Variants in EIF4E1B observed in about 807,000 individuals in gnomAD.
The protein encoded by EIF4E1B is eukaryotic translation initiation factor 4E type 1B.
In EIF4E1B, 22 loss-of-function variants were observed where a neutral mutation model predicts 31.3. The observed-to-expected ratio is 0.70, with a 90% CI of 0.50 to 1.00. The LOEUF (loss-of-function observed/expected upper bound fraction) is 1.00, where lower values mean the gene tolerates loss of function less well. Ranked by LOEUF, EIF4E1B falls within the 50% of genes least tolerant of loss-of-function variation. EIF4E1B has a pLI of 0.00. For synonymous variants in EIF4E1B, 126 were observed against 120.2 expected (o/e 1.05, Z -0.31); for missense variants, 290 against 311.6 (o/e 0.93, Z 0.52).
chr5:176,632,255 TTTTC>T (rs1301193568), intron 1 of EIF4E1B, among the ~76,000 whole-genome samples: 54 of 152,296 alleles, frequency 3.5e-4, no homozygotes, highest in African/African-American at 1.1e-3. Flanking sequence ...TACAATTCTT[TTTTC>T]TTTCTTGTTT....
chr5:176,639,403 A>C (rs1760541234), intron 1 of EIF4E1B, among the ~76,000 whole-genome samples: 2 of 152,208 alleles, frequency 1.3e-5, no homozygotes. Flanking sequence ...GCGAGGGGCC[A>C]GGATGCCTGT....
intron 1 of EIF4E1B, among the ~76,000 whole-genome samples, chr5:176,631,741 A>G (rs908894065): frequency 2.0e-5 from 3 of 152,150 alleles, no homozygotes; most frequent in Non-Finnish European, 4.4e-5. Flanking sequence ...GACATTTTGG[A>G]AGGCAATCTG....
In EIF4E1B at chr5:176,646,285, T is replaced by G; in HGVS notation, c.*305T>G. 1 of 307,992 alleles carries G rather than the reference T, an allele frequency of 3.2e-6. No homozygotes were observed. The highest frequency in any genetic ancestry group is 6.2e-6 in the Non-Finnish European group (1 of 160,430). 19.1% of individuals were successfully genotyped at this position (307,992 alleles called of 1,614,324 possible). ...GCTCTATGGTAGGCGGAGAAACCCA[T>G]AGTCCAGCGTTTACTGTTTCCACCC... On this transcript the variant is annotated 3_prime_UTR_variant, in exon 9 of 9. Transcript: ENST00000318682.
At chr5:176,639,658 C>G (rs1316951927) in intron 1 of EIF4E1B, among the ~76,000 whole-genome samples, 1 of 152,116 alleles carries the variant, frequency 6.6e-6, no homozygotes, top group African/African-American at 2.4e-5. Context: ...GGCTCACACT[C>G]GTAATCCCAA....
chr5:176,638,256 C>T lies in EIF4E1B; in HGVS notation c.-201-3787C>T, dbSNP rs1760526626. ...GTCACTCTCTAAATGACATTTAATG[C>T]CCATTACTGGATAAGGGCATGAAAC... On this transcript the variant is annotated intron_variant, in intron 1 of 8. Coordinates refer to ENST00000318682, the MANE Select transcript of EIF4E1B (RefSeq NM_001099408.2). This position sits in a 1 kb window ranked among gnomAD's most constrained non-coding sequence, Gnocchi z 4.3. Among the ~76,000 whole-genome samples the T allele has an allele frequency of 6.6e-6, 1 of 152,120 alleles. No homozygotes were observed. The highest frequency in any genetic ancestry group is 1.5e-5 in the Non-Finnish European group (1 of 68,032).
chr5:176,642,533 T>C (rs1052282730), intron 2 of EIF4E1B, among the ~76,000 whole-genome samples, 177 bp from the exon 3 acceptor site: 5 of 152,212 alleles, frequency 3.3e-5, no homozygotes, highest in Non-Finnish European at 1.5e-5. Flanking sequence ...AGAGACCAGA[T>C]GAATACCTGC....
rs759107886 is a variant in EIF4E1B, at chr5:176,645,502, C to CGT, written c.602_603dup (p.Leu202CysfsTer35). 2 of 1,513,772 alleles carry CGT rather than the reference C, an allele frequency of 1.3e-6. No homozygotes were observed. Among genetic ancestry groups the CGT allele is most frequent in the Admixed American group, 2.3e-5 (1 of 42,836 alleles). 93.8% of individuals were successfully genotyped at this position (1,513,772 alleles called of 1,614,324 possible). ...CGAGGGAGGCGGAAAACCAGGCGGG[C>CGT]GTGCTGCACGTTGGGTGAGGAGGGT... On this transcript the variant is annotated frameshift_variant, in exon 8 of 9. Coordinates refer to ENST00000318682, the MANE Select transcript of EIF4E1B (RefSeq NM_001099408.2). LOFTEE classifies it high-confidence loss of function. The surrounding 1 kb of genome is among the most constrained non-coding windows in gnomAD (Gnocchi z 5.4).
chr5:176,640,791 G>T (rs549133345), intron 1 of EIF4E1B, among the ~76,000 whole-genome samples: 1 of 152,072 alleles, frequency 6.6e-6, no homozygotes, highest in African/African-American at 2.4e-5. Context: ...TTTTAGCTTC[G>T]CCCACACTGG....
intron 1 of EIF4E1B, among the ~76,000 whole-genome samples, chr5:176,633,209 T>G (rs1760436151): frequency 7.1e-6 from 1 of 141,832 alleles, no homozygotes. Context: ...CTGTCCAGTG[T>G]TTTTTTTGTT....
At chr5:176,635,895 C>T (rs1195250428) in intron 1 of EIF4E1B, among the ~76,000 whole-genome samples, 1 of 152,160 alleles carries the variant, frequency 6.6e-6, no homozygotes. Flanking sequence ...CGGCTCACTG[C>T]AACCTCTGCC....
chr5:176,632,567 AT>A (rs1245949305), intron 1 of EIF4E1B, among the ~76,000 whole-genome samples: 4 of 152,176 alleles, frequency 2.6e-5, no homozygotes, highest in Admixed American at 6.5e-5. Context: ...CACCTCTGTA[AT>A]AATTTCTGAG....
rs145078207 is a variant in EIF4E1B at position 176,646,391 on chromosome 5, C to T, written c.*411C>T. 41 of 183,694 alleles carry T rather than the reference C, an allele frequency of 2.2e-4. No individual in the cohort carries two copies. The highest frequency in any genetic ancestry group is 6.9e-4 in the African/African-American group (30 of 43,296). The allele number at this position is 183,694 out of a possible 1,614,324, so 11.4% of individuals were successfully genotyped here. On this transcript the variant is annotated 3_prime_UTR_variant, in exon 9 of 9. Transcript: ENST00000318682. ...GGGCACAGACATTCTGGAGGGTGAA[C>T]GCCATCATTTGTACAGAGGGATACG...
chr5:176,634,889 C>T (rs1432222278), intron 1 of EIF4E1B, among the ~76,000 whole-genome samples: 11 of 151,920 alleles, frequency 7.2e-5, no homozygotes, highest in Non-Finnish European at 1.0e-4. Flanking sequence ...AGGCTGGTCT[C>T]GATCTCCTGA....
At chr5:176,642,469 G>C (rs1428844326) in intron 2 of EIF4E1B, among the ~76,000 whole-genome samples, 1 of 152,198 alleles carries the variant, frequency 6.6e-6, no homozygotes, top group Non-Finnish European at 1.5e-5. Context: ...TTCATCTCTA[G>C]TCAAAAGAAT....
Position 176,644,383 on chromosome 5 carries a change from AG to A in EIF4E1B, c.305del (p.Ser102IlefsTer61). On this transcript the variant is annotated frameshift_variant, in exon 6 of 9. Coordinates refer to ENST00000318682, the MANE Select transcript of EIF4E1B (RefSeq NM_001099408.2). LOFTEE classifies it high-confidence loss of function. ...GTCGGGGGCTCTGTCCAGGCTATAC[AG>A]TCACATCCAGCTGGCCAGCAAGCTC... The part of the protein sequence containing the change: ...DTVEDFWALY[S>X]HIQLASKLSS... The A allele has an allele frequency of 6.3e-7, 1 of 1,590,458 alleles. No homozygotes were observed. Among genetic ancestry groups the A allele is most frequent in the Non-Finnish European group, 8.6e-7 (1 of 1,168,282 alleles).
intron 4 of EIF4E1B, 124 bp from the exon 5 acceptor site, chr5:176,643,515 T>G (rs1760634985): frequency 2.1e-6 from 2 of 961,230 alleles, no homozygotes; most frequent in African/African-American, 1.6e-5. Context: ...AGGGGAATGC[T>G]GTGCCCCAAA....
intron 4 of EIF4E1B, 32 bp from the exon 5 acceptor site, chr5:176,643,607 T>G (rs1425744835): frequency 6.3e-7 from 1 of 1,576,140 alleles, no homozygotes; most frequent in Admixed American, 1.9e-5. Flanking sequence ...GCTCTCTGCT[T>G]CCTCCTGGCT....
intron 1 of EIF4E1B, among the ~76,000 whole-genome samples, chr5:176,634,334 T>C (rs1326113936): frequency 6.6e-6 from 1 of 152,038 alleles, no homozygotes; most frequent in African/African-American, 2.4e-5. Flanking sequence ...TCTCCAAGGT[T>C]GGGGCGGGAA....
rs1286474012 is a variant in EIF4E1B, at chr5:176,645,884, C to A, written c.633C>A (p.Arg211=). The change falls in exon 9 of 9, where the codon CGC becomes CGA. Residue 211 remains arginine, a synonymous_variant. Transcript: ENST00000318682. The surrounding 1 kb of genome is among the most constrained non-coding windows in gnomAD (Gnocchi z 5.4). ...CCTGCAGGCGTGTATACAAAGAGCG[C>A]CTGGGCCTCTCCCCAAAGACCATCA... ...VLHVGRVYKE[R]LGLSPKTIIG... is the part of the protein sequence containing the mutation. 1 of 1,600,684 alleles carries A rather than the reference C, an allele frequency of 6.2e-7. No homozygotes were observed. Among genetic ancestry groups the A allele is most frequent in the Middle Eastern group, 1.7e-4 (1 of 6,036 alleles).
Sources: allele counts gnomAD v4.1 joint callset (sites outside exome capture counted in the v4.1 genomes callset), GRCh38; gene constraint gnomAD v4.1.1; non-coding constraint Gnocchi (gnomAD v3.1); transcripts MANE v1.5; gene names NCBI Gene and HGNC (gene_info 2026-07-23, HGNC 2026-07-21).